Variants in CTBP1 observed in about 807,000 individuals in gnomAD.
The protein encoded by CTBP1 is C-terminal-binding protein 1.
CTBP1 carries 11 observed loss-of-function variants against 42.1 expected under a neutral mutation model. The observed-to-expected ratio is 0.26, with a 90% CI of 0.16 to 0.43. CTBP1 has a LOEUF of 0.43. Among genes scored for constraint, CTBP1 ranks in the 20% least tolerant of loss-of-function variants. The pLI, the probability that CTBP1 is intolerant of heterozygous loss-of-function variation, is 1.00. For missense variants in CTBP1, 399 were observed against 624.3 expected, an observed-to-expected ratio of 0.64 and a Z score of 3.85; for synonymous variants, 324 against 277.1, an observed-to-expected ratio of 1.17 and a Z score of -1.68.
chr4:1,216,495 G>A (rs1242474210), intron 5 of CTBP1: 5 of 561,732 alleles, frequency 8.9e-6, no homozygotes, highest in Non-Finnish European at 1.3e-5. Context: ...CTGTCCACAG[G>A]ACGTGACATG....
intron 8 of CTBP1, among the ~76,000 whole-genome samples, 179 bp from the exon 9 acceptor site, chr4:1,213,209 G>C (rs1304764181): frequency 6.6e-6 from 1 of 152,156 alleles, no homozygotes; most frequent in Non-Finnish European, 1.5e-5. Context: ...TTGCAGCGTG[G>C]GGACCCCCAG....
chr4:1,243,861 G>C (rs1290682149), intron 1 of CTBP1: 1 of 985,346 alleles, frequency 1.0e-6, no homozygotes, highest in African/African-American at 1.7e-5. Context: ...ACGGCTCTCA[G>C]CCCAGCGACA....
At chr4:1,226,200 G>C (rs1198585590) in intron 4 of CTBP1, among the ~76,000 whole-genome samples, 5 of 152,092 alleles carry the variant, frequency 3.3e-5, no homozygotes, top group Non-Finnish European at 7.4e-5. Context: ...TGTCCCCAGA[G>C]ACAGGCCCTT....
intron 1 of CTBP1, among the ~76,000 whole-genome samples, chr4:1,248,079 G>A (rs573907933): frequency 3.3e-5 from 5 of 152,322 alleles, no homozygotes; most frequent in East Asian, 1.9e-4. Flanking sequence ...GAGGGAAAGA[G>A]AGGCTCCGCG....
chr4:1,212,928 T>C lies in CTBP1; in HGVS notation c.1091A>G (p.Asn364Ser). 6.2e-7 allele frequency: 1 copy of C among 1,613,528 alleles called. No homozygotes were observed. The highest frequency in any genetic ancestry group is 8.5e-7 in the Non-Finnish European group (1 of 1,179,864). ...GCCTGCTCACCTATAGGCAGCCCCA[T>C]TGAGCTCAGGGTGCACGACGGCGGG... ...MDPAVVHPEL[N>S]GAAYRYPPGV... The change falls in exon 9 of 10, where the codon AAT becomes AGT. Residue 364 changes from asparagine to serine, a missense_variant. Coordinates refer to ENST00000382952, the MANE Select transcript of CTBP1 (RefSeq NM_001012614.2).
chr4:1,212,558 A>G (rs1728652882), intron 9 of CTBP1, 135 bp from the exon 10 acceptor site: 3 of 800,756 alleles, frequency 3.7e-6, no homozygotes, highest in Admixed American at 3.5e-5. Context: ...CCCGGCCTTT[A>G]CACGGATGTT....
chr4:1,212,776 G>A (rs909790567), intron 9 of CTBP1, 137 bp downstream of exon 9: 3 of 754,274 alleles, frequency 4.0e-6, no homozygotes, highest in Non-Finnish European at 6.6e-6. Flanking sequence ...TTCAGGTGAG[G>A]TTGGCCTTAC....
chr4:1,224,465 A>C (rs1486750622), intron 5 of CTBP1, among the ~76,000 whole-genome samples: 1 of 147,710 alleles, frequency 6.8e-6, no homozygotes, highest in Non-Finnish European at 1.5e-5. Flanking sequence ...CGTGCCCATG[A>C]GGCCTGTGTG....
At chr4:1,213,699 C>G in intron 7 of CTBP1, 94 bp from the exon 8 acceptor site, 2 of 1,486,866 alleles carry the variant, frequency 1.3e-6, no homozygotes, top group Non-Finnish European at 1.8e-6. Flanking sequence ...TGTGGGGGGC[C>G]CTGCCTGGGA....
At chr4:1,243,914 C>T (rs2108801520) in intron 1 of CTBP1, 1 of 985,476 alleles carries the variant, frequency 1.0e-6, no homozygotes, top group South Asian at 4.7e-5. Flanking sequence ...CGCTTAACCT[C>T]ATGTTGTAAG....
At chr4:1,246,032 G>GAA (rs1732684227) in intron 1 of CTBP1, among the ~76,000 whole-genome samples, 1 of 152,250 alleles carries the variant, frequency 6.6e-6, no homozygotes, top group African/African-American at 2.4e-5. Flanking sequence ...GCTTCACAGG[G>GAA]AAAAAAACGA....
chr4:1,217,608 C>G (rs1560234638), intron 5 of CTBP1: 1 of 152,260 alleles, frequency 6.6e-6, no homozygotes, highest in Non-Finnish European at 1.5e-5. Context: ...GTCGGGCTGC[C>G]GGTGGCGAAA....
intron 3 of CTBP1, chr4:1,236,833 G>C (rs1731557183): frequency 4.6e-6 from 3 of 648,860 alleles, no homozygotes; most frequent in Non-Finnish European, 8.3e-6. Context: ...TCCTGATGGG[G>C]CTCAGGACAA....
At chr4:1,242,066 G>C (rs1013922506) in intron 1 of CTBP1, 1 of 987,240 alleles carries the variant, frequency 1.0e-6, no homozygotes, top group Admixed American at 6.0e-5. Flanking sequence ...CTCCACCTCC[G>C]ACCCTCAGTG....
chr4:1,232,696 T>C (rs538950990), intron 3 of CTBP1, among the ~76,000 whole-genome samples: 8 of 152,370 alleles, frequency 5.3e-5, no homozygotes, highest in Non-Finnish European at 1.0e-4. Context: ...AAACATTGTA[T>C]GTTCTGTATT....
chr4:1,230,677 A>G (rs1032124808), intron 3 of CTBP1, among the ~76,000 whole-genome samples: 7 of 152,254 alleles, frequency 4.6e-5, no homozygotes, highest in African/African-American at 1.4e-4. Context: ...AGCACTGGCC[A>G]CGGGCCTCGA....
intron 2 of CTBP1, 121 bp downstream of exon 2, chr4:1,241,204 C>A (rs1732141696): frequency 6.5e-6 from 5 of 767,714 alleles, no homozygotes; most frequent in Non-Finnish European, 1.2e-5. Flanking sequence ...TGGCAGCAGT[C>A]CGGCCCGACG....
At chr4:1,224,362 T>C (rs1730087829) in intron 5 of CTBP1, among the ~76,000 whole-genome samples, 1 of 151,924 alleles carries the variant, frequency 6.6e-6, no homozygotes, top group African/African-American at 2.4e-5. Flanking sequence ...ACGTGTGTGC[T>C]GTGATGTCCG....
At chr4:1,221,035 G>A (rs1011421963) in intron 5 of CTBP1, among the ~76,000 whole-genome samples, 4 of 152,176 alleles carry the variant, frequency 2.6e-5, no homozygotes, top group African/African-American at 7.2e-5. Context: ...GTCAAGCCAC[G>A]GCCTGAGATA....
Sources: gnomAD v4.1 joint callset for allele counts (sites outside exome capture counted in the v4.1 genomes callset) on GRCh38, gnomAD v4.1.1 for gene constraint, MANE v1.5 for transcripts, NCBI Gene and HGNC (gene_info 2026-07-23, HGNC 2026-07-21) for gene names.